GOLGA8A: variants seen among roughly 807,000 people sequenced by gnomAD.
GOLGA8A encodes the protein golgin A8 family member A, also known as golgin subfamily A member 8A.
In GOLGA8A, 3 loss-of-function variants were observed where a neutral mutation model predicts 22.1. That is an observed-to-expected ratio of 0.14 (90% CI 0.06 to 0.35). The LOEUF (loss-of-function observed/expected upper bound fraction) is 0.35. Among genes scored for constraint, GOLGA8A ranks in the 10% least tolerant of loss-of-function variants. The probability of loss-of-function intolerance (pLI) is 1.00; values close to 1 mark genes in which losing one functional copy is unlikely to be tolerated. For missense variants in GOLGA8A, 16 were observed against 233.2 expected (o/e 0.07, Z 6.07); for synonymous variants, 7 against 91.7 (o/e 0.08, Z 5.28).
chr15:34,409,564 GC>G (rs1892333732), intron 2 of GOLGA8A: 1 of 245,164 alleles, frequency 4.1e-6, no homozygotes, highest in Non-Finnish European at 8.3e-6. Flanking sequence ...CCACACAGTG[GC>G]TGCCTCTGGG....
In GOLGA8A at chr15:34,380,531, T is replaced by C. The variant is rs1891430489; in HGVS notation, c.*880A>G. On this transcript the variant is annotated 3_prime_UTR_variant, in exon 25 of 25. Transcript: ENST00000359187. ...TATTGTAGATACAAATGCTCTAAGC[T>C]AGGAAAGGTTTTTCACACCCACAGC... The C allele has an allele frequency of 6.6e-6, 1 of 152,266 alleles. No individual in the cohort carries two copies. The highest frequency in any genetic ancestry group is 6.5e-5 in the Admixed American group (1 of 15,290). 9.4% of individuals were successfully genotyped at this position (152,266 alleles called of 1,614,324 possible). A position where few individuals can be genotyped will look rare whatever the true frequency, so the allele number is the denominator to read the frequency against.
intron 2 of GOLGA8A, among the ~76,000 whole-genome samples, chr15:34,435,110 G>A (rs866892650): frequency 1.3e-5 from 2 of 149,330 alleles, no homozygotes; most frequent in South Asian, 2.1e-4. Context: ...TTAAGTCACC[G>A]GGGCAGGTAT....
chr15:34,420,491 C>T (rs1380850351), intron 2 of GOLGA8A, among the ~76,000 whole-genome samples: 1 of 145,976 alleles, frequency 6.9e-6, no homozygotes, highest in African/African-American at 2.6e-5. Flanking sequence ...AGCCAGGTCA[C>T]GGGCACAGGC....
chr15:34,409,453 A>AGTGCTGTGGGAGAACGTGGTTGGAG (rs1262631763), intron 2 of GOLGA8A, among the ~76,000 whole-genome samples: 3 of 139,684 alleles, frequency 2.1e-5, no homozygotes, highest in Admixed American at 7.3e-5. Context: ...CATTTTTCAC[A>AGTGCTGTGGGAGAACGTGGTTGGAG]GTGCTGTGGG....
intron 2 of GOLGA8A, among the ~76,000 whole-genome samples, chr15:34,430,856 C>T (rs142779522): frequency 4.0e-5 from 6 of 149,942 alleles, no homozygotes; most frequent in East Asian, 2.0e-4. Context: ...CTGGCTCACA[C>T]GTGGAGGCAG....
intron 2 of GOLGA8A, among the ~76,000 whole-genome samples, chr15:34,434,704 A>C (rs72722591): frequency 6.7e-6 from 1 of 149,336 alleles, no homozygotes; most frequent in Non-Finnish European, 1.5e-5. Context: ...CCAGCCCCCG[A>C]TGGGCACACA....
At chr15:34,426,256 T>G (rs1023942322) in intron 2 of GOLGA8A, among the ~76,000 whole-genome samples, 10 of 149,808 alleles carry the variant, frequency 6.7e-5, no homozygotes, top group African/African-American at 2.5e-4. Flanking sequence ...TAACGCTGCT[T>G]GCGCAAAGGA....
intron 2 of GOLGA8A, among the ~76,000 whole-genome samples, chr15:34,434,901 T>C (rs117628820): frequency 0.095 from 14,118 of 149,332 alleles, 1,788 homozygotes; most frequent in South Asian, 0.25. Flanking sequence ...CCAGGGCCGC[T>C]GCCCAGGCCC....
chr15:34,432,516 C>T (rs1200320366), intron 2 of GOLGA8A, among the ~76,000 whole-genome samples: 1 of 148,956 alleles, frequency 6.7e-6, no homozygotes, highest in Non-Finnish European at 1.5e-5. Flanking sequence ...TAAGACAAGA[C>T]CTGCCTTCTA....
chr15:34,421,887 G>A (rs1892810894), intron 2 of GOLGA8A, among the ~76,000 whole-genome samples: 1 of 138,418 alleles, frequency 7.2e-6, no homozygotes, highest in Middle Eastern at 3.4e-3. Context: ...GTGTCCCTGA[G>A]AAACACCCGG....
rs936829218 is a variant in GOLGA8A at position 34,421,221 on chromosome 15, G to A, written c.-1122-13486C>T. On this transcript the variant is annotated intron_variant, in intron 2 of 24. Transcript: ENST00000359187. ...AGGGTCTGCCCAGGCCACCACGGGG[G>A]CAGAGACGTGAAACAGGCTTCAGCT... 3.5e-5 allele frequency among the ~76,000 whole-genome samples: 5 copies of A among 143,658 alleles called. 1 individual carries two copies. The highest frequency in any genetic ancestry group is 7.3e-5 in the Admixed American group (1 of 13,774). The allele number at this position is 143,658 out of a possible 152,430, so 94.2% of individuals were successfully genotyped here. A position where few individuals can be genotyped will look rare whatever the true frequency, so the allele number is the denominator to read the frequency against.
chr15:34,428,026 T>C (rs552209901), intron 2 of GOLGA8A, among the ~76,000 whole-genome samples: 1 of 148,596 alleles, frequency 6.7e-6, no homozygotes, highest in East Asian at 2.0e-4. Flanking sequence ...TACAAAGGTC[T>C]AATCGCAGAG....
intron 2 of GOLGA8A, chr15:34,417,441 G>A (rs1374210200): frequency 2.2e-5 from 2 of 92,174 alleles, no homozygotes; most frequent in African/African-American, 7.2e-5. Flanking sequence ...TCAGTGTTCA[G>A]TTTTCCTTCT....
chr15:34,400,371 GC>G (rs1318655307), intron 6 of GOLGA8A, among the ~76,000 whole-genome samples: 5 of 143,596 alleles, frequency 3.5e-5, no homozygotes, highest in Admixed American at 1.4e-4. Context: ...CATTACAGGC[GC>G]CCGCCACCAT....
chr15:34,404,760 C>CA (rs1892160346), intron 5 of GOLGA8A, among the ~76,000 whole-genome samples, 157 bp downstream of exon 5: 1 of 145,714 alleles, frequency 6.9e-6, no homozygotes, highest in Non-Finnish European at 1.5e-5. Flanking sequence ...GGCGACAGAG[C>CA]AAGACCCTGT....
rs1891375622 is a variant in GOLGA8A at position 34,379,589 on chromosome 15, A to C, written c.*1822T>G. 6.6e-6 allele frequency: 1 copy of C among 152,634 alleles called. No individual in the cohort carries two copies. Among genetic ancestry groups the C allele is most frequent in the South Asian group, 2.1e-4 (1 of 4,830 alleles). 9.5% of individuals were successfully genotyped at this position (152,634 alleles called of 1,614,324 possible). A position where few individuals can be genotyped will look rare whatever the true frequency, so the allele number is the denominator to read the frequency against. On this transcript the variant is annotated 3_prime_UTR_variant, in exon 25 of 25. Transcript: ENST00000359187. ...GCAAATCTGTTATTCCATTGGCAAA[A>C]TCGTATTGCTGCTCTCCTGTTAATC...
chr15:34,405,486 C>T (rs1483412398), intron 4 of GOLGA8A, among the ~76,000 whole-genome samples: 1 of 146,560 alleles, frequency 6.8e-6, no homozygotes, highest in Non-Finnish European at 1.5e-5. Flanking sequence ...AGACACCCAT[C>T]ACCACGCCCA....
At chr15:34,409,093 C>CT (rs1892304306) in intron 2 of GOLGA8A, among the ~76,000 whole-genome samples, 1 of 144,302 alleles carries the variant, frequency 6.9e-6, no homozygotes, top group Non-Finnish European at 1.6e-5. Context: ...TCTCTCCCCC[C>CT]TCCCCTCCCC....
At chr15:34,436,280 A>T (rs185056717) in intron 1 of GOLGA8A, among the ~76,000 whole-genome samples, 1 of 149,488 alleles carries the variant, frequency 6.7e-6, no homozygotes, top group Non-Finnish European at 1.5e-5. Context: ...GTCCTTTCTG[A>T]AACAGGAAGG....
Sources: gnomAD v4.1 joint callset for allele counts (sites outside exome capture counted in the v4.1 genomes callset) on GRCh38, gnomAD v4.1.1 for gene constraint, MANE v1.5 for transcripts, NCBI Gene and HGNC (gene_info 2026-07-23, HGNC 2026-07-21) for gene names.